Variants in RETREG1 observed in about 807,000 individuals in gnomAD.
RETREG1 encodes the protein reticulophagy regulator 1, also known as family with sequence similarity 134 member B.
A neutral mutation model predicts 54.8 loss-of-function variants in RETREG1; 44 were observed. The observed-to-expected ratio is 0.80, with a 90% CI of 0.63 to 1.03. The LOEUF is 1.03. Ranked by LOEUF, RETREG1 falls within the 50% of genes least tolerant of loss-of-function variation. RETREG1 has a pLI of 0.00. For missense variants in RETREG1, 554 were observed against 605.1 expected (o/e 0.92, Z 0.89); for synonymous variants, 217 against 238.5 (o/e 0.91, Z 0.83).
chr5:16,546,526 C>G (rs181471789), intron 3 of RETREG1, among the ~76,000 whole-genome samples: 59 of 152,292 alleles, frequency 3.9e-4, no homozygotes, highest in Non-Finnish European at 5.3e-4. Flanking sequence ...TCATTAGAAG[C>G]AACATGTTGC....
At chr5:16,545,790 G>A (rs1741369866) in intron 3 of RETREG1, among the ~76,000 whole-genome samples, 1 of 152,204 alleles carries the variant, frequency 6.6e-6, no homozygotes, top group Admixed American at 6.5e-5. Flanking sequence ...GTTGATGCTA[G>A]ACCGAGGGCA....
At chr5:16,519,777 C>A (rs897245894) in intron 3 of RETREG1, among the ~76,000 whole-genome samples, 1 of 152,198 alleles carries the variant, frequency 6.6e-6, no homozygotes, top group Non-Finnish European at 1.5e-5. Flanking sequence ...TATTAACAGG[C>A]CCCCTCTCCG....
chr5:16,567,418 T>TTGGAA (rs1742044238), intron 2 of RETREG1, among the ~76,000 whole-genome samples: 1 of 152,022 alleles, frequency 6.6e-6, no homozygotes, highest in African/African-American at 2.4e-5. Context: ...AGAGTACAAG[T>TTGGAA]TGGAATGACA....
intron 3 of RETREG1, among the ~76,000 whole-genome samples, chr5:16,543,336 AAGTTGTTGAATCACATGGT>A (rs1281483554): frequency 6.6e-6 from 1 of 152,138 alleles, no homozygotes; most frequent in Non-Finnish European, 1.5e-5. Flanking sequence ...CTAAGAGAGG[AAGTTGTTGAATCACATGGT>A]AGTTGTATAT....
At chr5:16,529,592 C>T (rs1490825240) in intron 3 of RETREG1, among the ~76,000 whole-genome samples, 1 of 152,182 alleles carries the variant, frequency 6.6e-6, no homozygotes, top group East Asian at 1.9e-4. Context: ...ACACTGTTTT[C>T]ATATGTCAAC....
At chr5:16,587,798 G>A (rs1013968954) in intron 1 of RETREG1, among the ~76,000 whole-genome samples, 1 of 152,146 alleles carries the variant, frequency 6.6e-6, no homozygotes, top group Admixed American at 6.5e-5. Context: ...CTTACCTTGG[G>A]TGTGCTCAAT....
chr5:16,599,415 T>G (rs1742989948), intron 1 of RETREG1, among the ~76,000 whole-genome samples: 1 of 152,158 alleles, frequency 6.6e-6, no homozygotes, highest in African/African-American at 2.4e-5. Flanking sequence ...ATCTATAAAG[T>G]GCTGCACTTG....
intron 2 of RETREG1, among the ~76,000 whole-genome samples, chr5:16,566,394 T>C (rs1742015329): frequency 6.6e-6 from 1 of 152,096 alleles, no homozygotes; most frequent in South Asian, 2.1e-4. Flanking sequence ...CATATATACA[T>C]ATGCACACCT....
chr5:16,508,749 CCTTTTTGG>C, intron 3 of RETREG1: 1 of 1,513,610 alleles, frequency 6.6e-7, no homozygotes. Context: ...GACGTTCTTT[CCTTTTTGG>C]AAAAAAAGTG....
At chr5:16,549,156 T>C (rs1029684820) in intron 3 of RETREG1, among the ~76,000 whole-genome samples, 3 of 152,238 alleles carry the variant, frequency 2.0e-5, no homozygotes, top group African/African-American at 7.2e-5. Flanking sequence ...TTAGCTACCT[T>C]TCTGATACTG....
chr5:16,571,006 G>C (rs1309204619), intron 2 of RETREG1, among the ~76,000 whole-genome samples: 1 of 151,694 alleles, frequency 6.6e-6, no homozygotes, highest in East Asian at 1.9e-4. Flanking sequence ...TTCAAACCTG[G>C]AAACACACGA....
intron 3 of RETREG1, among the ~76,000 whole-genome samples, chr5:16,500,592 A>G (rs929425151): frequency 2.0e-5 from 3 of 152,178 alleles, no homozygotes; most frequent in African/African-American, 7.2e-5. Context: ...GAAGATTCAG[A>G]GTGCTCAAAA....
intron 3 of RETREG1, among the ~76,000 whole-genome samples, chr5:16,528,535 G>A (rs1353821754): frequency 6.6e-6 from 1 of 152,148 alleles, no homozygotes; most frequent in African/African-American, 2.4e-5. Context: ...GCAAAAGAAA[G>A]ATTAGGGGGC....
chr5:16,540,987 A>G (rs1193672915), intron 3 of RETREG1, among the ~76,000 whole-genome samples: 1 of 152,220 alleles, frequency 6.6e-6, no homozygotes, highest in African/African-American at 2.4e-5. Context: ...CACCAGCACC[A>G]TCACTATGCT....
intron 3 of RETREG1, among the ~76,000 whole-genome samples, chr5:16,504,714 C>A (rs952488073): frequency 6.6e-6 from 1 of 152,188 alleles, no homozygotes; most frequent in South Asian, 2.1e-4. Context: ...AATCGCAACT[C>A]CCTCACTTCA....
intron 3 of RETREG1, among the ~76,000 whole-genome samples, chr5:16,535,937 C>T (rs1327752548): frequency 6.7e-6 from 1 of 150,128 alleles, no homozygotes; most frequent in East Asian, 2.0e-4. Context: ...GTACACATTG[C>T]CTTCACAAAG....
intron 1 of RETREG1, among the ~76,000 whole-genome samples, chr5:16,584,171 T>A (rs1434014699): frequency 6.6e-6 from 1 of 152,090 alleles, no homozygotes; most frequent in African/African-American, 2.4e-5. Flanking sequence ...GATAGAAGAT[T>A]ACACATTGGG....
chr5:16,553,530 AT>A (rs1225080487), intron 3 of RETREG1, among the ~76,000 whole-genome samples: 1 of 151,986 alleles, frequency 6.6e-6, no homozygotes, highest in Non-Finnish European at 1.5e-5. Flanking sequence ...CCTTGTTTAA[AT>A]ATATAAATAT....
intron 1 of RETREG1, among the ~76,000 whole-genome samples, chr5:16,610,582 C>A (rs1743313692): frequency 6.7e-6 from 1 of 150,042 alleles, no homozygotes; most frequent in African/African-American, 2.5e-5. Flanking sequence ...ACAACCCCAT[C>A]AAAAAGTGGG....
Sources: allele counts gnomAD v4.1 joint callset (sites outside exome capture counted in the v4.1 genomes callset), GRCh38; gene constraint gnomAD v4.1.1; transcripts MANE v1.5; gene names NCBI Gene and HGNC (gene_info 2026-07-23, HGNC 2026-07-21).